SLC25A21: variants seen among roughly 807,000 people sequenced by gnomAD.
SLC25A21 encodes the protein mitochondrial 2-oxodicarboxylate carrier.
A neutral mutation model predicts 43.8 loss-of-function variants in SLC25A21; 47 were observed. The observed-to-expected ratio is 1.07, with a 90% CI of 0.85 to 1.37. The LOEUF (loss-of-function observed/expected upper bound fraction) is 1.37, where lower values mean the gene tolerates loss of function less well. Ranked by LOEUF, SLC25A21 falls within the 40% of genes most tolerant of loss-of-function variation. The pLI is 0.00. For missense variants in SLC25A21, 352 were observed against 350.2 expected (o/e 1.00, Z -0.04); for synonymous variants, 131 against 121.3 (o/e 1.08, Z -0.52).
At chr14:36,975,629 G>GA (rs1287967294) in intron 1 of SLC25A21, among the ~76,000 whole-genome samples, 1 of 152,180 alleles carries the variant, frequency 6.6e-6, no homozygotes, top group Non-Finnish European at 1.5e-5. Context: ...TCTGGCAGAG[G>GA]AATCACCTAG....
intron 1 of SLC25A21, among the ~76,000 whole-genome samples, chr14:37,059,475 C>T (rs2138809552): frequency 6.6e-6 from 1 of 152,280 alleles, no homozygotes; most frequent in South Asian, 2.1e-4. Flanking sequence ...TTATTCTCCC[C>T]TTCGTCTGAG....
intron 1 of SLC25A21, among the ~76,000 whole-genome samples, chr14:37,075,620 T>C (rs1363635895): frequency 2.0e-5 from 3 of 152,144 alleles, no homozygotes; most frequent in African/African-American, 4.8e-5. Context: ...ATTTTACTTA[T>C]GTATGCAGAA....
In SLC25A21 at chr14:37,145,291, G is replaced by A. The variant is rs531104902; in HGVS notation, c.70+26990C>T. ...ATTCTCTATTTTTTTTAAGAGATGG[G>A]GTCTCGCTCTGTTGCCCAGGCTGGA... is the stretch of plus-strand genomic sequence containing the variant. On this transcript the variant is annotated intron_variant, in intron 1 of 9. Transcript: ENST00000331299. Among the ~76,000 whole-genome samples the A allele has an allele frequency of 9.9e-5, 15 of 151,796 alleles. No individual in the cohort carries two copies. The South Asian group carries it at 3.1e-3, about 32-fold the overall frequency.
In SLC25A21 at chr14:36,875,003, AC is replaced by A. The variant is rs1566697860; in HGVS notation, c.71del (p.Gly24ValfsTer3). The A allele has an allele frequency of 1.3e-6, 2 of 1,566,856 alleles. No individual in the cohort carries two copies. The highest frequency in any genetic ancestry group is 1.7e-6 in the Non-Finnish European group (2 of 1,160,282). On this transcript the variant is annotated frameshift_variant and splice_region_variant, in exon 2 of 10. Coordinates refer to ENST00000331299, the MANE Select transcript of SLC25A21 (RefSeq NM_030631.4). LOFTEE classifies it high-confidence loss of function. ...SRQIVAGGSA[G>X]LVEICLMHPL... ...GGTGCATCAGGCAAATTTCTACAAG[AC>A]CTGAAAGATGATAAAGAAAATCCAA...
intron 1 of SLC25A21, among the ~76,000 whole-genome samples, chr14:36,973,187 C>G (rs942490064): frequency 1.3e-5 from 2 of 151,976 alleles, no homozygotes; most frequent in African/African-American, 4.8e-5. Flanking sequence ...GTTAGAGCCA[C>G]ATTTTAGAAA....
chr14:36,818,092 A>C (rs1302567052), intron 2 of SLC25A21, among the ~76,000 whole-genome samples: 1 of 152,222 alleles, frequency 6.6e-6, no homozygotes, highest in Non-Finnish European at 1.5e-5. Context: ...ATGTGCAAAT[A>C]GATGATTACC....
rs1656692142 is a variant in SLC25A21 at position 36,734,355 on chromosome 14, C to T, written c.270+152G>A. 9.6e-6 allele frequency: 5 copies of T among 521,048 alleles called. No homozygotes were observed. In the South Asian group the frequency reaches 1.3e-4, roughly 14 times the overall value. 32.3% of individuals were successfully genotyped at this position (521,048 alleles called of 1,614,324 possible). A position where few individuals can be genotyped will look rare whatever the true frequency, so the allele number is the denominator to read the frequency against. ...TGATCTACATATTTGAGAGACTGAC[C>T]AAGTCTAATTATAATAAAAATTATG... On this transcript the variant is annotated intron_variant, in intron 4 of 9. Coordinates refer to ENST00000331299, the MANE Select transcript of SLC25A21 (RefSeq NM_030631.4).
chr14:36,771,963 T>A (rs1886635527), intron 3 of SLC25A21, among the ~76,000 whole-genome samples: 1 of 152,184 alleles, frequency 6.6e-6, no homozygotes, highest in Non-Finnish European at 1.5e-5. Context: ...TAATTGCTGA[T>A]GACCAACGAA....
At chr14:37,054,842 A>C (rs1460086272) in intron 1 of SLC25A21, among the ~76,000 whole-genome samples, 2 of 152,250 alleles carry the variant, frequency 1.3e-5, no homozygotes, top group African/African-American at 4.8e-5. Context: ...CAAAATTATG[A>C]ATGGCTTTGG....
chr14:36,794,471 T>C (rs1164094241), intron 3 of SLC25A21, among the ~76,000 whole-genome samples: 1 of 152,096 alleles, frequency 6.6e-6, no homozygotes, highest in Non-Finnish European at 1.5e-5. Context: ...TGATGATATA[T>C]ATATAAACAT....
At chr14:36,939,994 T>C (rs1317961603) in intron 1 of SLC25A21, among the ~76,000 whole-genome samples, 1 of 152,164 alleles carries the variant, frequency 6.6e-6, no homozygotes, top group East Asian at 1.9e-4. Context: ...CAGTCTGCAG[T>C]GTACCAGAGC....
intron 1 of SLC25A21, among the ~76,000 whole-genome samples, chr14:37,091,515 GC>G (rs1197821836): frequency 6.6e-6 from 1 of 150,842 alleles, no homozygotes; most frequent in African/African-American, 2.4e-5. Flanking sequence ...GAACAAAAAA[GC>G]CCCAACACAT....
At chr14:36,752,334 G>A (rs1885740564) in intron 3 of SLC25A21, among the ~76,000 whole-genome samples, 1 of 152,178 alleles carries the variant, frequency 6.6e-6, no homozygotes, top group Non-Finnish European at 1.5e-5. Flanking sequence ...GGAAAACAGC[G>A]TGGAGGATCT....
intron 1 of SLC25A21, among the ~76,000 whole-genome samples, chr14:37,162,543 C>T (rs1238693999): frequency 6.6e-6 from 1 of 152,200 alleles, no homozygotes; most frequent in Non-Finnish European, 1.5e-5. Context: ...CGAAAAAATG[C>T]TCACCATCAC....
intron 1 of SLC25A21, among the ~76,000 whole-genome samples, chr14:37,015,493 A>G (rs1260222528): frequency 2.0e-5 from 3 of 152,076 alleles, no homozygotes; most frequent in Non-Finnish European, 2.9e-5. Context: ...ATAGTGCCAC[A>G]ATAGACATAC....
At chr14:36,702,990 A>G (rs1883347992) in intron 7 of SLC25A21, among the ~76,000 whole-genome samples, 1 of 152,234 alleles carries the variant, frequency 6.6e-6, no homozygotes, top group African/African-American at 2.4e-5. Context: ...TTTTTACCAC[A>G]GAATATTGTC....
chr14:36,808,787 A>G (rs1309851330), intron 3 of SLC25A21: 1 of 152,196 alleles, frequency 6.6e-6, no homozygotes, highest in Admixed American at 6.5e-5. Flanking sequence ...ACTGAAGAAA[A>G]TAAATATTAG....
At chr14:36,773,285 C>A (rs1886694291) in intron 3 of SLC25A21, among the ~76,000 whole-genome samples, 1 of 152,148 alleles carries the variant, frequency 6.6e-6, no homozygotes, top group African/African-American at 2.4e-5. Flanking sequence ...CCGTCAGACT[C>A]TGCTGTGATA....
intron 1 of SLC25A21, among the ~76,000 whole-genome samples, chr14:37,133,377 G>C (rs1365069933): frequency 6.6e-6 from 1 of 151,906 alleles, no homozygotes; most frequent in Non-Finnish European, 1.5e-5. Flanking sequence ...CACAGTCTCT[G>C]TGAGGCTCTT....
Sources: allele counts gnomAD v4.1 joint callset (sites outside exome capture counted in the v4.1 genomes callset), GRCh38; gene constraint gnomAD v4.1.1; transcripts MANE v1.5; gene names NCBI Gene and HGNC (gene_info 2026-07-23, HGNC 2026-07-21).